Variants in MGARP observed in about 807,000 individuals in gnomAD.
MGARP encodes the protein protein MGARP.
A neutral mutation model predicts 11.0 loss-of-function variants in MGARP; 12 were observed. The ratio of observed to expected loss-of-function variants is 1.09; its 90% CI spans 0.70 to 1.77. MGARP has a LOEUF of 1.77. MGARP is among the 40% of genes most tolerant of loss of function. MGARP has a pLI of 0.00. For missense variants in MGARP, 283 were observed against 297.8 expected, an observed-to-expected ratio of 0.95 and a Z score of 0.36; for synonymous variants, 110 against 115.4, an observed-to-expected ratio of 0.95 and a Z score of 0.30.
chr4:139,269,977 G>A (rs762274555), intron 2 of MGARP, among the ~76,000 whole-genome samples: 39 of 152,226 alleles, frequency 2.6e-4, no homozygotes, highest in Non-Finnish European at 5.4e-4. Flanking sequence ...CAATTTTACA[G>A]TGTAAAAATT....
chr4:139,274,583 A>G (rs1031445398), intron 2 of MGARP, among the ~76,000 whole-genome samples: 1 of 152,056 alleles, frequency 6.6e-6, no homozygotes, highest in African/African-American at 2.4e-5. Context: ...TCCTAGGTTC[A>G]AGAGATTCTC....
intron 2 of MGARP, 54 bp from the exon 3 acceptor site, chr4:139,268,819 C>T: frequency 7.4e-7 from 1 of 1,358,880 alleles, no homozygotes; most frequent in Admixed American, 1.9e-5. Flanking sequence ...ATTTGTCACG[C>T]CACATCCAAA....
intron 2 of MGARP, among the ~76,000 whole-genome samples, chr4:139,271,507 C>T (rs999439238): frequency 2.0e-5 from 3 of 152,140 alleles, no homozygotes; most frequent in African/African-American, 7.2e-5. Flanking sequence ...GCCTGGGGGA[C>T]AAGAGATACC....
At chr4:139,278,289 T>G (rs759328267) in intron 1 of MGARP, among the ~76,000 whole-genome samples, 1 of 152,178 alleles carries the variant, frequency 6.6e-6, no homozygotes, top group Admixed American at 6.5e-5. Flanking sequence ...TGAGACACAG[T>G]TAAAAATTTT....
chr4:139,276,316 G>T (rs752220279), intron 1 of MGARP, among the ~76,000 whole-genome samples: 1 of 152,238 alleles, frequency 6.6e-6, no homozygotes. Context: ...TAGAAGGAGG[G>T]TATGAACATA....
chr4:139,273,949 T>C (rs1744827525), intron 2 of MGARP, among the ~76,000 whole-genome samples: 1 of 152,202 alleles, frequency 6.6e-6, no homozygotes, highest in Admixed American at 6.5e-5. Flanking sequence ...AAAACCTTTG[T>C]CTTACAGGGT....
At chr4:139,271,222 C>T (rs922118635) in intron 2 of MGARP, among the ~76,000 whole-genome samples, 1 of 152,078 alleles carries the variant, frequency 6.6e-6, no homozygotes, top group Non-Finnish European at 1.5e-5. Flanking sequence ...TCTGGTACTA[C>T]TTTTTAAGAT....
At chr4:139,271,961 C>T (rs1481982930) in intron 2 of MGARP, among the ~76,000 whole-genome samples, 1 of 152,040 alleles carries the variant, frequency 6.6e-6, no homozygotes, top group African/African-American at 2.4e-5. Context: ...GTTTTTGGCA[C>T]TGGTACATAT....
chr4:139,269,386 TG>T (rs1744744919), intron 2 of MGARP, among the ~76,000 whole-genome samples: 1 of 151,990 alleles, frequency 6.6e-6, no homozygotes, highest in South Asian at 2.1e-4. Flanking sequence ...CCCAGCACTT[TG>T]GGAGGCTGAG....
chr4:139,266,691 C>T lies in MGARP; in HGVS notation c.631G>A (p.Glu211Lys), dbSNP rs917074866. Residue 211 changes from glutamate (E) to lysine (K), a missense_variant, in exon 4 of 4, where the codon GAA (glutamate) becomes AAA (lysine). Glu to Lys is a moderately conservative substitution (Grantham distance 56). Transcript: ENST00000398955. ...GACTCTGACTCAGCTGGAGAATTTT[C>T]TTCTTCTAGTTCAGCATATTCATCA... ...TSDEYAELEEENSPAESESSA... is the reference protein window; with the variant it reads ...TSDEYAELEEKNSPAESESSA... 1.2e-6 allele frequency: 2 copies of T among 1,614,138 alleles called. No individual in the cohort carries two copies. Among genetic ancestry groups the T allele is most frequent in the Non-Finnish European group, 1.7e-6 (2 of 1,180,030 alleles).
chr4:139,273,602 C>T (rs1012993905), intron 2 of MGARP, among the ~76,000 whole-genome samples: 2 of 151,254 alleles, frequency 1.3e-5, no homozygotes, highest in African/African-American at 2.4e-5. Context: ...GCGACCTCCA[C>T]CTCCTGGGTT....
rs545809486 is a variant in MGARP, at chr4:139,266,770, C to T, written c.552G>A (p.Leu184=). ...ETTPEVTNAA[L]DEAVTIDNDK... ...CATTATCGATGGTGACAGCTTCATC[C>T]AGGGCAGCATTTGTAACCTCTGGGG... Residue 184 remains leucine (L), a synonymous_variant, in exon 4 of 4, where the codon CTG becomes CTA. Transcript: ENST00000398955. The T allele has an allele frequency of 6.2e-7, 1 of 1,614,212 alleles. No individual in the cohort carries two copies. Among genetic ancestry groups the T allele is most frequent in the South Asian group, 1.1e-5 (1 of 91,074 alleles).
chr4:139,272,934 C>T (rs1744809096), intron 2 of MGARP, among the ~76,000 whole-genome samples: 1 of 152,138 alleles, frequency 6.6e-6, no homozygotes, highest in South Asian at 2.1e-4. Context: ...GATCCACCCA[C>T]CTTGGCCTCC....
chr4:139,267,346 G>C (rs948343949), intron 3 of MGARP, among the ~76,000 whole-genome samples: 3 of 151,912 alleles, frequency 2.0e-5, no homozygotes, highest in African/African-American at 7.3e-5. Context: ...GGGAAAATGG[G>C]GGATCTGCTT....
At chr4:139,277,821 C>T (rs1744894950) in intron 1 of MGARP, among the ~76,000 whole-genome samples, 1 of 152,080 alleles carries the variant, frequency 6.6e-6, no homozygotes, top group South Asian at 2.1e-4. Flanking sequence ...TATACTAAAA[C>T]GTAATTAGTT....
At chr4:139,272,686 C>CTT (rs774228171) in intron 2 of MGARP, among the ~76,000 whole-genome samples, 3,240 of 111,216 alleles carry the variant, frequency 0.029, 374 homozygotes, top group African/African-American at 0.1. Flanking sequence ...ATTCATATTT[C>CTT]TTTTTTTTTT....
intron 2 of MGARP, among the ~76,000 whole-genome samples, chr4:139,272,064 T>A (rs1356777326): frequency 6.6e-6 from 1 of 152,102 alleles, no homozygotes; most frequent in South Asian, 2.1e-4. Context: ...TCTGTTTTTT[T>A]TTTTTGGTGG....
At position 139,273,181 on chromosome 4, in the gene MGARP, G is replaced by A. The variant is rs537597191; in HGVS notation, c.186+2108C>T. On this transcript the variant is annotated intron_variant, in intron 2 of 3. Coordinates refer to ENST00000398955, the MANE Select transcript of MGARP (RefSeq NM_032623.4). ...CCTCCAACGTGCTGGGATTATAGGCGTAAGCCACCACTACAGGCTCTACTT... is the reference window on the plus strand; with the variant it reads ...CCTCCAACGTGCTGGGATTATAGGCATAAGCCACCACTACAGGCTCTACTT... 5.3e-5 allele frequency among the ~76,000 whole-genome samples: 8 copies of A among 152,020 alleles called. No homozygotes were observed. In the South Asian group the frequency reaches 1.0e-3, roughly 20 times the overall value.
chr4:139,272,772 C>T (rs1361332306), intron 2 of MGARP, among the ~76,000 whole-genome samples: 2 of 148,258 alleles, frequency 1.3e-5, no homozygotes, highest in Admixed American at 6.7e-5. Context: ...CTGCAACCTC[C>T]GCCTCCCCGG....
Sources: gnomAD v4.1 joint callset for allele counts (sites outside exome capture counted in the v4.1 genomes callset) on GRCh38, gnomAD v4.1.1 for gene constraint, MANE v1.5 for transcripts, NCBI Gene and HGNC (gene_info 2026-07-23, HGNC 2026-07-21) for gene names.